EPB41L5: variants seen among roughly 807,000 people sequenced by gnomAD.
EPB41L5 encodes the protein band 4.1-like protein 5.
In EPB41L5, 55 loss-of-function variants were observed where a neutral mutation model predicts 106.6. That is an observed-to-expected ratio of 0.52 (90% confidence interval 0.42 to 0.65). The LOEUF is 0.65. Ranked by LOEUF, EPB41L5 falls within the 30% of genes least tolerant of loss-of-function variation. The probability of loss-of-function intolerance (pLI) is 0.00; values close to 1 mark genes in which losing one functional copy is unlikely to be tolerated. For synonymous variants in EPB41L5, 297 were observed against 306.7 expected (o/e 0.97, Z 0.33); for missense variants, 871 against 882.1 (o/e 0.99, Z 0.16).
At chr2:120,120,160 G>A (rs1362422939) in intron 16 of EPB41L5, among the ~76,000 whole-genome samples, 1 of 152,116 alleles carries the variant, frequency 6.6e-6, no homozygotes, top group African/African-American at 2.4e-5. Context: ...TGGGCCCAGT[G>A]GCTCACACCT....
intron 3 of EPB41L5, among the ~76,000 whole-genome samples, chr2:120,056,338 T>G (rs1680648952): frequency 6.6e-6 from 1 of 151,912 alleles, no homozygotes; most frequent in Admixed American, 6.6e-5. Context: ...CTCGCTTTGT[T>G]GCCCAGGTTG....
chr2:120,051,207 C>T (rs1680257969), intron 3 of EPB41L5, among the ~76,000 whole-genome samples: 1 of 152,188 alleles, frequency 6.6e-6, no homozygotes, highest in Non-Finnish European at 1.5e-5. Flanking sequence ...TTTAAGTCTG[C>T]AGAAGTTTCT....
intron 24 of EPB41L5, among the ~76,000 whole-genome samples, chr2:120,172,702 AC>A (rs750876857): frequency 2.2e-4 from 33 of 152,212 alleles, no homozygotes; most frequent in Admixed American, 1.1e-3. Context: ...AAGTCATGGG[AC>A]CCAGGAGGCA....
At chr2:120,043,122 A>G (rs1388974963) in intron 3 of EPB41L5, among the ~76,000 whole-genome samples, 3 of 150,176 alleles carry the variant, frequency 2.0e-5, no homozygotes, top group African/African-American at 7.4e-5. Flanking sequence ...TTTAGCTGTC[A>G]TTTTTTCATG....
intron 16 of EPB41L5, among the ~76,000 whole-genome samples, chr2:120,121,273 A>ATACT (rs1472681949): frequency 6.6e-6 from 1 of 152,190 alleles, no homozygotes; most frequent in Non-Finnish European, 1.5e-5. Context: ...ATACGTAGGT[A>ATACT]TACTTGTGCC....
chr2:120,115,803 T>C (rs1432957970), intron 16 of EPB41L5, among the ~76,000 whole-genome samples: 2 of 152,092 alleles, frequency 1.3e-5, no homozygotes, highest in Non-Finnish European at 2.9e-5. Flanking sequence ...TTATGTTACG[T>C]TACGTTACGT....
At chr2:120,078,231 G>T (rs1199118741) in intron 9 of EPB41L5, among the ~76,000 whole-genome samples, 6 of 152,152 alleles carry the variant, frequency 3.9e-5, no homozygotes, top group Non-Finnish European at 8.8e-5. Context: ...AGCTTTGTTT[G>T]TAGTGGGAGT....
At chr2:120,063,123 T>C (rs1294731654) in intron 3 of EPB41L5, among the ~76,000 whole-genome samples, 1 of 152,012 alleles carries the variant, frequency 6.6e-6, no homozygotes, top group Non-Finnish European at 1.5e-5. Flanking sequence ...GCAGATCATA[T>C]GAGGTCAGGA....
intron 19 of EPB41L5, among the ~76,000 whole-genome samples, chr2:120,145,602 C>G (rs2861029): frequency 0.38 from 57,564 of 151,832 alleles, 12,052 homozygotes; most frequent in African/African-American, 0.56. Context: ...TGGCTAAACA[C>G]TTGTATGCCT....
At chr2:120,122,130 G>A (rs1285271961) in intron 16 of EPB41L5, among the ~76,000 whole-genome samples, 1 of 152,194 alleles carries the variant, frequency 6.6e-6, no homozygotes. Flanking sequence ...TAGGTTGCCT[G>A]TTCACTCTGA....
chr2:120,027,535 A>G (rs1426135567), intron 2 of EPB41L5, among the ~76,000 whole-genome samples: 1 of 152,142 alleles, frequency 6.6e-6, no homozygotes, highest in African/African-American at 2.4e-5. Flanking sequence ...GTGAGTGGGA[A>G]CTGACAGGGT....
intron 20 of EPB41L5, among the ~76,000 whole-genome samples, chr2:120,148,076 T>C (rs533202453): frequency 6.6e-6 from 1 of 152,308 alleles, no homozygotes; most frequent in African/African-American, 2.4e-5. Context: ...ATACTGTATA[T>C]AGTATACCTG....
chr2:120,045,026 T>C (rs1259557641), intron 3 of EPB41L5, among the ~76,000 whole-genome samples: 1 of 152,218 alleles, frequency 6.6e-6, no homozygotes, highest in African/African-American at 2.4e-5. Flanking sequence ...GTGGCCATAT[T>C]CAACCTCAGA....
intron 2 of EPB41L5, among the ~76,000 whole-genome samples, chr2:120,020,549 A>G (rs1471428191): frequency 6.6e-6 from 1 of 151,692 alleles, no homozygotes; most frequent in African/African-American, 2.4e-5. Context: ...AAGCATCTAA[A>G]TTTTCTTCCT....
chr2:120,154,930 CA>C (rs200194019), intron 20 of EPB41L5, among the ~76,000 whole-genome samples: 6 of 147,316 alleles, frequency 4.1e-5, no homozygotes, highest in East Asian at 4.0e-4. Context: ...CATATCAAAA[CA>C]AAAAAAAAAT....
intron 20 of EPB41L5, among the ~76,000 whole-genome samples, chr2:120,147,470 C>T (rs540419592): frequency 1.2e-4 from 18 of 151,794 alleles, no homozygotes; most frequent in East Asian, 3.9e-4. Context: ...ACTAAAAATA[C>T]GAAAATTAGC....
At chr2:120,068,911 G>T (rs1369138815) in intron 3 of EPB41L5, among the ~76,000 whole-genome samples, 1 of 151,562 alleles carries the variant, frequency 6.6e-6, no homozygotes, top group Non-Finnish European at 1.5e-5. Context: ...GTGGTTCACC[G>T]GAGGCTGGGA....
intron 16 of EPB41L5, among the ~76,000 whole-genome samples, chr2:120,122,359 G>A (rs1210683078): frequency 6.6e-6 from 1 of 152,196 alleles, no homozygotes; most frequent in African/African-American, 2.4e-5. Flanking sequence ...TGTATAAGGT[G>A]TAAGGAAGGG....
At chr2:120,148,079 T>C (rs1686490078) in intron 20 of EPB41L5, among the ~76,000 whole-genome samples, 1 of 152,202 alleles carries the variant, frequency 6.6e-6, no homozygotes, top group African/African-American at 2.4e-5. Flanking sequence ...CTGTATATAG[T>C]ATACCTGTAT....
Sources: allele counts gnomAD v4.1 joint callset (sites outside exome capture counted in the v4.1 genomes callset), GRCh38; gene constraint gnomAD v4.1.1; transcripts MANE v1.5; gene names NCBI Gene and HGNC (gene_info 2026-07-23, HGNC 2026-07-21).